The following MPDZ variants were observed in gnomAD, a reference collection of about 807,000 sequenced individuals.
MPDZ encodes multiple PDZ domain crumbs cell polarity complex component.
In MPDZ, 234 loss-of-function variants were observed where a neutral mutation model predicts 239.1. That is an observed-to-expected ratio of 0.98 (90% CI 0.88 to 1.09). The LOEUF (loss-of-function observed/expected upper bound fraction) is 1.09, where lower values mean the gene tolerates loss of function less well. Among genes scored for constraint, MPDZ ranks in the 50% least tolerant of loss-of-function variants. MPDZ has a pLI of 0.00. For synonymous variants in MPDZ, 1,048 were observed against 881.3 expected (o/e 1.19, Z -3.35); for missense variants, 3,175 against 2,510.0 (o/e 1.26, Z -5.66).
chr9:13,157,888 G>A lies in MPDZ; in HGVS notation c.3452+130C>T, dbSNP rs563641745. 78 of 721,264 alleles carry A rather than the reference G, an allele frequency of 1.1e-4. No homozygotes were observed. In the African/African-American group the frequency reaches 1.1e-3, roughly 10 times the overall value. 44.7% of individuals were successfully genotyped at this position (721,264 alleles called of 1,614,324 possible). ...CCACTGTATACATTAAAAAATGATG[G>A]GTTAGAAGTATTAAACAACTCACCC... On this transcript the variant is annotated intron_variant, in intron 24 of 46. Transcript: ENST00000319217.
intron 22 of MPDZ, among the ~76,000 whole-genome samples, chr9:13,164,493 G>A (rs143341164): frequency 6.5e-4 from 99 of 152,078 alleles, no homozygotes; most frequent in African/African-American, 2.2e-3. Context: ...TAAATAAAAC[G>A]TAAGTTTAAA....
intron 1 of MPDZ, among the ~76,000 whole-genome samples, chr9:13,253,039 T>C (rs1564137811): frequency 6.6e-6 from 1 of 152,180 alleles, no homozygotes; most frequent in Non-Finnish European, 1.5e-5. Context: ...AGATAGACAG[T>C]GTTCCTGACA....
rs1445840906 is a variant in MPDZ, at chr9:13,121,760, C to G, written c.5210G>C (p.Gly1737Ala). Reference protein sequence around the residue: ...ELQKKPGKGLGLSIVGKRNDT... With the variant: ...ELQKKPGKGLALSIVGKRNDT... ...ACACCTTTTACCAACAATACTTAATCCTAGGCCTTTTCCCGGCTTCTTCTG... is the reference window on the plus strand; with the variant it reads ...ACACCTTTTACCAACAATACTTAATGCTAGGCCTTTTCCCGGCTTCTTCTG... Residue 1737 changes from glycine (G) to alanine (A), a missense_variant, in exon 38 of 47, where the codon GGA (glycine) becomes GCA (alanine). By Grantham distance (60) the Gly-to-Ala change is moderately conservative. Coordinates refer to ENST00000319217, the MANE Select transcript of MPDZ (RefSeq NM_001378778.1). 6.2e-7 allele frequency: 1 copy of G among 1,613,962 alleles called. No homozygotes were observed. The highest frequency in any genetic ancestry group is 2.2e-5 in the East Asian group (1 of 44,866).
At chr9:13,148,326 G>A (rs1241157831) in intron 25 of MPDZ, among the ~76,000 whole-genome samples, 1 of 151,988 alleles carries the variant, frequency 6.6e-6, no homozygotes, top group African/African-American at 2.4e-5. Flanking sequence ...CACACTTTAT[G>A]AATAAGAAGG....
chr9:13,190,495 A>G (rs569263033), intron 15 of MPDZ, among the ~76,000 whole-genome samples, 196 bp from the exon 16 acceptor site: 1 of 152,302 alleles, frequency 6.6e-6, no homozygotes, highest in South Asian at 2.1e-4. Context: ...AGAAATACCT[A>G]AGTTTTAACA....
intron 1 of MPDZ, among the ~76,000 whole-genome samples, chr9:13,268,875 T>C (rs1001520867): frequency 1.8e-4 from 27 of 152,178 alleles, no homozygotes; most frequent in African/African-American, 6.3e-4. Context: ...TGCAGGGACA[T>C]TGGGGAGGGA....
At chr9:13,208,217 A>G (rs1957207067) in intron 10 of MPDZ, among the ~76,000 whole-genome samples, 1 of 152,154 alleles carries the variant, frequency 6.6e-6, no homozygotes, top group Non-Finnish European at 1.5e-5. Context: ...GCTGAGGCAG[A>G]AGGACTGCTT....
intron 21 of MPDZ, among the ~76,000 whole-genome samples, chr9:13,174,091 C>T (rs1164843376): frequency 6.6e-6 from 1 of 152,180 alleles, no homozygotes; most frequent in African/African-American, 2.4e-5. Context: ...TCAAATTCCT[C>T]AACTATGTGG....
At chr9:13,174,808 T>C (rs534743951) in intron 21 of MPDZ, among the ~76,000 whole-genome samples, 64 of 152,286 alleles carry the variant, frequency 4.2e-4, no homozygotes, top group Non-Finnish European at 6.8e-4. Context: ...ACAAATACTA[T>C]CTGCTACAAT....
chr9:13,174,940 T>G (rs1490664913), intron 21 of MPDZ, among the ~76,000 whole-genome samples: 2 of 152,108 alleles, frequency 1.3e-5, no homozygotes, highest in Non-Finnish European at 1.5e-5. Flanking sequence ...ATCTCAAAAC[T>G]TAACAAGGAA....
rs747753224 is a variant in MPDZ at position 13,205,985 on chromosome 9, C to T, written c.1405G>A (p.Glu469Lys). The T allele has an allele frequency of 5.8e-5, 94 of 1,611,896 alleles. No homozygotes were observed. Among genetic ancestry groups the T allele is most frequent in the Middle Eastern group, 4.9e-4 (3 of 6,070 alleles). Residue 469 changes from glutamate to lysine, a missense_variant, in exon 11 of 47, where the codon GAG becomes AAG. Physicochemically the swap from Glu to Lys is moderately conservative, Grantham distance 56. Transcript: ENST00000319217. ...GTGACGTCTTCCCTTGACATGAGCT[C>T]GGCTTCCTGCTTCATTCCTCTCCTC... Reference protein sequence around the residue: ...LMRRGMKQEAELMSREDVTKD... With the variant: ...LMRRGMKQEAKLMSREDVTKD...
chr9:13,226,329 A>G (rs1434571519), intron 3 of MPDZ, among the ~76,000 whole-genome samples: 1 of 152,128 alleles, frequency 6.6e-6, no homozygotes, highest in Non-Finnish European at 1.5e-5. Flanking sequence ...AATGCAGTCA[A>G]TCCTAATTTC....
At chr9:13,165,482 T>C (rs1308135079) in intron 22 of MPDZ, 2 of 1,523,208 alleles carry the variant, frequency 1.3e-6, no homozygotes, top group East Asian at 4.9e-5. Context: ...GTGCTGAATG[T>C]GAGATGCATA....
intron 24 of MPDZ, 46 bp downstream of exon 24, chr9:13,157,972 A>T: frequency 6.6e-7 from 1 of 1,513,986 alleles, no homozygotes; most frequent in South Asian, 1.2e-5. Flanking sequence ...TTATCTTTAA[A>T]CACTATATAT....
intron 3 of MPDZ, among the ~76,000 whole-genome samples, chr9:13,230,364 C>T (rs1490549408): frequency 6.6e-6 from 1 of 152,106 alleles, no homozygotes; most frequent in Non-Finnish European, 1.5e-5. Flanking sequence ...TCGCTCACAG[C>T]AGCTTATATA....
At chr9:13,136,319 C>CTT in intron 30 of MPDZ, 137 bp from the exon 31 acceptor site, 1 of 246,234 alleles carries the variant, frequency 4.1e-6, no homozygotes, top group South Asian at 8.2e-5. Flanking sequence ...AATTTACAAA[C>CTT]GTTTTCTTTT....
At chr9:13,162,263 CAAA>C (rs71331527) in intron 23 of MPDZ, among the ~76,000 whole-genome samples, 3 of 115,260 alleles carry the variant, frequency 2.6e-5, no homozygotes, top group Non-Finnish European at 2.0e-5. Flanking sequence ...GGCTCTGCCT[CAAA>C]AAAAAAAAAA....
In MPDZ at chr9:13,121,939, A is replaced by G; in HGVS notation, c.5038-7T>C. The G allele has an allele frequency of 6.2e-7, 1 of 1,612,176 alleles. No homozygotes were observed. Among genetic ancestry groups the G allele is most frequent in the Non-Finnish European group, 8.5e-7 (1 of 1,178,730 alleles). ...TCAAGTCAATTCCATTCACCTGTAC[A>G]GAAATGGGACACTGACTGTAAGGAA... On this transcript the variant is annotated splice_polypyrimidine_tract_variant and splice_region_variant and intron_variant, in intron 37 of 46. Transcript: ENST00000319217.
intron 8 of MPDZ, among the ~76,000 whole-genome samples, chr9:13,219,176 A>C (rs1436134519): frequency 6.6e-6 from 1 of 151,944 alleles, no homozygotes; most frequent in Non-Finnish European, 1.5e-5. Flanking sequence ...AAAGTTGATG[A>C]AAGAGAATGA....
Sources: gnomAD v4.1 joint callset for allele counts (sites outside exome capture counted in the v4.1 genomes callset) on GRCh38, gnomAD v4.1.1 for gene constraint, MANE v1.5 for transcripts, NCBI Gene and HGNC (gene_info 2026-07-23, HGNC 2026-07-21) for gene names.